ANAPC10: variants seen among roughly 807,000 people sequenced by gnomAD.
The protein encoded by ANAPC10 is anaphase-promoting complex subunit 10.
A neutral mutation model predicts 22.0 loss-of-function variants in ANAPC10; 12 were observed. The observed-to-expected ratio is 0.55, with a 90% CI of 0.35 to 0.88. The LOEUF (loss-of-function observed/expected upper bound fraction) is 0.88. Ranked by LOEUF, ANAPC10 falls within the 40% of genes least tolerant of loss-of-function variation. The pLI, the probability that ANAPC10 is intolerant of heterozygous loss-of-function variation, is 0.01. For missense variants in ANAPC10, 188 were observed against 220.9 expected (o/e 0.85, Z 0.94); for synonymous variants, 65 against 69.5 (o/e 0.94, Z 0.32).
At chr4:145,068,188 A>G (rs767916759) in intron 3 of ANAPC10, among the ~76,000 whole-genome samples, 1 of 152,204 alleles carries the variant, frequency 6.6e-6, no homozygotes, top group Non-Finnish European at 1.5e-5. Flanking sequence ...TGTAGAAAAC[A>G]CCATTATCAA....
intron 4 of ANAPC10, among the ~76,000 whole-genome samples, chr4:144,999,735 G>A (rs1260112151): frequency 7.2e-5 from 11 of 152,070 alleles, no homozygotes; most frequent in East Asian, 3.9e-4. Flanking sequence ...AAAAGAGCCC[G>A]CATTGCCAAG....
At chr4:145,052,700 G>C (rs1221985660) in intron 4 of ANAPC10, among the ~76,000 whole-genome samples, 2 of 151,986 alleles carry the variant, frequency 1.3e-5, no homozygotes, top group Non-Finnish European at 2.9e-5. Flanking sequence ...CGGAGATTGA[G>C]ACCATCCTGG....
At chr4:145,097,484 G>T (rs1748745483) in intron 1 of ANAPC10, 1 of 1,287,062 alleles carries the variant, frequency 7.8e-7, no homozygotes, top group Admixed American at 2.3e-5. Context: ...AGGTGCAATA[G>T]TTCTGCATAC....
At chr4:145,055,426 T>C (rs1416104395) in intron 4 of ANAPC10, among the ~76,000 whole-genome samples, 1 of 151,954 alleles carries the variant, frequency 6.6e-6, no homozygotes, top group African/African-American at 2.4e-5. Flanking sequence ...GGCATGGTGG[T>C]GTGTGCCTGT....
intron 4 of ANAPC10, among the ~76,000 whole-genome samples, chr4:145,007,135 T>C (rs1054492850): frequency 6.6e-5 from 10 of 152,082 alleles, no homozygotes; most frequent in South Asian, 4.1e-4. Flanking sequence ...CCCAGATTCA[T>C]AAAGCAAGTC....
chr4:145,016,070 T>C (rs1320521001), intron 4 of ANAPC10, among the ~76,000 whole-genome samples: 2 of 152,182 alleles, frequency 1.3e-5, no homozygotes, highest in African/African-American at 2.4e-5. Flanking sequence ...GAGACAGGGA[T>C]GCCCTCTCTC....
chr4:145,014,594 G>C (rs1273555848), intron 4 of ANAPC10, among the ~76,000 whole-genome samples: 1 of 152,060 alleles, frequency 6.6e-6, no homozygotes, highest in Non-Finnish European at 1.5e-5. Context: ...CACAGCTGAT[G>C]CTCTCTGGAA....
intron 3 of ANAPC10, among the ~76,000 whole-genome samples, chr4:145,076,464 A>G (rs1361362957): frequency 6.6e-6 from 1 of 152,250 alleles, no homozygotes; most frequent in Non-Finnish European, 1.5e-5. Flanking sequence ...CAGCAACTTC[A>G]AAGATTAAAG....
chr4:145,026,945 A>ATATATATATATATGTGTG lies in ANAPC10; in HGVS notation c.328-31343_328-31342insCACACATATATATATATA, dbSNP rs1287102797. Reference sequence around the variant, plus strand: ...CATATATATATATATATATATATATATGTGTGTGTGTGTATATATATATAT... The same window carrying ATATATATATATATGTGTG: ...CATATATATATATATATATATATATATATATATATATATGTGTGTGTGTGTGTGTGTATATATATATAT... On this transcript the variant is annotated intron_variant, in intron 4 of 4. Transcript: ENST00000507656. Among the ~76,000 whole-genome samples, 36 of 17,144 alleles carry ATATATATATATATGTGTG rather than the reference A, an allele frequency of 2.1e-3. 1 individual carries two copies. Among genetic ancestry groups the ATATATATATATATGTGTG allele is most frequent in the East Asian group, 0.015 (5 of 330 alleles). The allele number at this position is 17,144 out of a possible 152,430, so 11.2% of individuals were successfully genotyped here.
At chr4:145,008,337 G>A (rs1733751763) in intron 4 of ANAPC10, among the ~76,000 whole-genome samples, 1 of 152,176 alleles carries the variant, frequency 6.6e-6, no homozygotes, top group South Asian at 2.1e-4. Flanking sequence ...CTCATTTGAT[G>A]AGGTCAGCAT....
rs549308868 is a variant in ANAPC10, at chr4:145,085,079, C to T, written c.116-3329G>A. Among the ~76,000 whole-genome samples, 6 of 152,038 alleles carry T rather than the reference C, an allele frequency of 3.9e-5. No individual in the cohort carries two copies. The South Asian group carries it at 1.2e-3, about 32-fold the overall frequency. On this transcript the variant is annotated intron_variant, in intron 2 of 4. Coordinates refer to ENST00000507656, the MANE Select transcript of ANAPC10 (RefSeq NM_001256706.2). ...GTTACAAGATAAAAAGCTGTTTTACCAGCCTGTGCAACATAGTGAGACACT... is the reference window on the plus strand; with the variant it reads ...GTTACAAGATAAAAAGCTGTTTTACTAGCCTGTGCAACATAGTGAGACACT...
intron 2 of ANAPC10, among the ~76,000 whole-genome samples, chr4:145,088,778 C>T (rs1747256354): frequency 1.3e-5 from 2 of 152,188 alleles, no homozygotes; most frequent in Admixed American, 6.5e-5. Context: ...TGCTTAACAC[C>T]TCCAGTGGTT....
chr4:145,031,710 T>C (rs1737609836), intron 4 of ANAPC10, among the ~76,000 whole-genome samples: 1 of 152,214 alleles, frequency 6.6e-6, no homozygotes, highest in South Asian at 2.1e-4. Flanking sequence ...GGGATGCTGT[T>C]TGGAGCCTTT....
chr4:145,010,696 G>A (rs953138106), intron 4 of ANAPC10, among the ~76,000 whole-genome samples: 1 of 151,916 alleles, frequency 6.6e-6, no homozygotes, highest in African/African-American at 2.4e-5. Flanking sequence ...GAGGGGGAGG[G>A]ATAGCATTAG....
Position 144,995,191 on chromosome 4 carries a change from C to T in ANAPC10, c.*182G>A. On this transcript the variant is annotated 3_prime_UTR_variant, in exon 5 of 5. Coordinates refer to ENST00000507656, the MANE Select transcript of ANAPC10 (RefSeq NM_001256706.2). Reference sequence around the variant, plus strand: ...AATGTAAAATATGTGAGCTTTATTACATGTTAAAGAAAATAAAGATAATAT... The same window carrying T: ...AATGTAAAATATGTGAGCTTTATTATATGTTAAAGAAAATAAAGATAATAT... 2.5e-6 allele frequency: 1 copy of T among 402,500 alleles called. No individual in the cohort carries two copies. The allele number at this position is 402,500 out of a possible 1,614,324, so 24.9% of individuals were successfully genotyped here.
intron 4 of ANAPC10, among the ~76,000 whole-genome samples, chr4:145,005,434 T>C (rs1437546207): frequency 6.6e-6 from 1 of 151,740 alleles, no homozygotes; most frequent in Non-Finnish European, 1.5e-5. Flanking sequence ...TGATCCTTTG[T>C]ATGGTTTTTC....
intron 4 of ANAPC10, among the ~76,000 whole-genome samples, chr4:145,025,334 C>T (rs1325912336): frequency 1.2e-4 from 8 of 68,778 alleles, no homozygotes; most frequent in Admixed American, 5.6e-4. Flanking sequence ...TTCAACACGC[C>T]CCCCCCCCCT....
At chr4:145,081,619 T>A (rs772195837) in intron 3 of ANAPC10, 41 bp downstream of exon 3, 1 of 1,255,302 alleles carries the variant, frequency 8.0e-7, no homozygotes, top group Non-Finnish European at 1.1e-6. Flanking sequence ...TATTTGTCTA[T>A]AACCTACAGT....
intron 4 of ANAPC10, among the ~76,000 whole-genome samples, chr4:145,053,937 T>C (rs367675019): frequency 6.6e-6 from 1 of 151,674 alleles, no homozygotes; most frequent in African/African-American, 2.4e-5. Context: ...TTAGATGAAG[T>C]CTCTCTCTGT....
Sources: gnomAD v4.1 joint callset for allele counts (sites outside exome capture counted in the v4.1 genomes callset) on GRCh38, gnomAD v4.1.1 for gene constraint, MANE v1.5 for transcripts, NCBI Gene and HGNC (gene_info 2026-07-23, HGNC 2026-07-21) for gene names.